The following SMUG1 variants were observed in gnomAD, a reference collection of about 807,000 sequenced individuals.
SMUG1 encodes the protein single-strand selective monofunctional uracil DNA glycosylase.
A neutral mutation model predicts 23.9 loss-of-function variants in SMUG1; 13 were observed. The observed-to-expected ratio is 0.54, with a 90% CI of 0.35 to 0.86. The LOEUF (loss-of-function observed/expected upper bound fraction) is 0.86. Ranked by LOEUF, SMUG1 falls within the 40% of genes least tolerant of loss-of-function variation. The probability of loss-of-function intolerance (pLI) is 0.01; values close to 1 mark genes in which losing one functional copy is unlikely to be tolerated. For synonymous variants in SMUG1, 133 were observed against 139.8 expected (o/e 0.95, Z 0.34); for missense variants, 313 against 339.5 (o/e 0.92, Z 0.61).
chr12:54,181,926 A>G lies in SMUG1; in HGVS notation c.*170T>C. 6.9e-7 allele frequency: 1 copy of G among 1,455,362 alleles called. No individual in the cohort carries two copies. Among genetic ancestry groups the G allele is most frequent in the South Asian group, 1.5e-5 (1 of 65,480 alleles). 90.2% of individuals were successfully genotyped at this position (1,455,362 alleles called of 1,614,324 possible). A position where few individuals can be genotyped will look rare whatever the true frequency, so the allele number is the denominator to read the frequency against. ...GGAGGGCAAACAGGAGTAGTGTCAAAACTGCCATGGCAGGTTGGAAGACAG... is the reference window on the plus strand; with the variant it reads ...GGAGGGCAAACAGGAGTAGTGTCAAGACTGCCATGGCAGGTTGGAAGACAG... On this transcript the variant is annotated 3_prime_UTR_variant, in exon 4 of 4. Transcript: ENST00000682136.
chr12:54,185,629 G>T (rs747654716), intron 2 of SMUG1, among the ~76,000 whole-genome samples: 5 of 151,830 alleles, frequency 3.3e-5, no homozygotes, highest in South Asian at 4.2e-4. Flanking sequence ...TGGCCAACAT[G>T]GTGAAACCCC....
chr12:54,163,640 G>A (rs967309134), downstream of SMUG1, among the ~76,000 whole-genome samples: 2 of 152,152 alleles, frequency 1.3e-5, no homozygotes, highest in African/African-American at 2.4e-5. Flanking sequence ...GAGAAAGTGA[G>A]ACCAGCTTCT....
chr12:54,161,300 C>T (rs554832394), downstream of SMUG1, among the ~76,000 whole-genome samples: 10 of 152,272 alleles, frequency 6.6e-5, no homozygotes, highest in South Asian at 1.0e-3. The surrounding 1 kb of genome is among the most constrained non-coding windows in gnomAD (Gnocchi z 4.2). Context: ...CAGGCCCAGC[C>T]GCCCCGCAAA....
intron 2 of SMUG1, among the ~76,000 whole-genome samples, chr12:54,186,619 C>T (rs755328679): frequency 6.6e-6 from 1 of 152,080 alleles, no homozygotes; most frequent in African/African-American, 2.4e-5. Flanking sequence ...GGATTACAAA[C>T]GTGAGCTACC....
At chr12:54,171,998 C>T (rs995441533) in intron 3 of SMUG1, 6 of 438,792 alleles carry the variant, frequency 1.4e-5, no homozygotes, top group African/African-American at 1.0e-4. Context: ...TGCCATCTCC[C>T]TGGTCCTGGC....
At chr12:54,186,413 G>C (rs1405236486) in intron 2 of SMUG1, among the ~76,000 whole-genome samples, 3 of 151,642 alleles carry the variant, frequency 2.0e-5, no homozygotes, top group Non-Finnish European at 2.9e-5. Context: ...CGCGATCTCA[G>C]CTCACTGCAA....
intron 1 of SMUG1, among the ~76,000 whole-genome samples, chr12:54,188,292 AATAAATAATAATAATAATAAT>A (rs1249372855): frequency 6.3e-5 from 2 of 31,652 alleles, no homozygotes; most frequent in South Asian, 1.2e-3. Flanking sequence ...TAATAATAAT[AATAAATAATAATAATAATAAT>A]AATAATAATA....
intron 2 of SMUG1, chr12:54,172,179 G>A (rs1259261089): frequency 4.6e-6 from 2 of 431,212 alleles, no homozygotes; most frequent in South Asian, 1.6e-5. Context: ...CATGTTACTC[G>A]GAGTGTGAGT....
intron 3 of SMUG1, chr12:54,182,832 G>T: frequency 9.7e-7 from 1 of 1,033,540 alleles, no homozygotes; most frequent in Non-Finnish European, 1.3e-6. Flanking sequence ...CCGTGGTCCA[G>T]AAGAATTTGT....
intron 2 of SMUG1, chr12:54,173,254 A>G (rs1229982255): frequency 2.0e-5 from 3 of 153,696 alleles, no homozygotes; most frequent in Non-Finnish European, 4.4e-5. Context: ...CCAGCGAGAG[A>G]GCAAACGGGA....
rs1286145643 is a variant in SMUG1, at chr12:54,182,001, AC to A, written c.*94del. 8.6e-6 allele frequency: 13 copies of A among 1,507,816 alleles called. No individual in the cohort carries two copies. Among genetic ancestry groups the A allele is most frequent in the Non-Finnish European group, 8.8e-6 (10 of 1,130,512 alleles). The allele number at this position is 1,507,816 out of a possible 1,614,324, so 93.4% of individuals were successfully genotyped here. On this transcript the variant is annotated 3_prime_UTR_variant, in exon 4 of 4. Transcript: ENST00000682136. ...CCCAGCGACCAGGGTGCACAGAAGG[AC>A]CTTTTGCTCCAGTCCAGGAGATGTG...
At chr12:54,188,302 AATAATAAT>A (rs1565844860) in intron 1 of SMUG1, among the ~76,000 whole-genome samples, 57 of 94,528 alleles carry the variant, frequency 6.0e-4, no homozygotes, top group African/African-American at 1.8e-3. Context: ...AATAAATAAT[AATAATAAT>A]AATAATAATA....
chr12:54,185,367 T>G (rs1010791061), intron 2 of SMUG1, among the ~76,000 whole-genome samples: 1 of 150,786 alleles, frequency 6.6e-6, no homozygotes, highest in Non-Finnish European at 1.5e-5. Context: ...CTCGGGAGGC[T>G]GAGGCAGGGA....
At chr12:54,183,539 G>A (rs1445388524) in intron 3 of SMUG1, 117 bp downstream of exon 3, 5 of 1,022,596 alleles carry the variant, frequency 4.9e-6, no homozygotes, top group Admixed American at 3.8e-5. Context: ...GACAGAATGG[G>A]GCGGGAGGAC....
chr12:54,169,996 C>T (rs1316979722), intron 3 of SMUG1, among the ~76,000 whole-genome samples: 1 of 152,000 alleles, frequency 6.6e-6, no homozygotes, highest in Admixed American at 6.5e-5. Context: ...GTCGGTAGTT[C>T]GAGACCAGCC....
rs1428595410 is a variant in SMUG1 at position 54,180,511 on chromosome 12, A to C, written c.*1585T>G. 4 of 152,168 alleles carry C rather than the reference A, an allele frequency of 2.6e-5. No homozygotes were observed. The highest frequency in any genetic ancestry group is 1.3e-4 in the Admixed American group (2 of 15,274). 9.4% of individuals were successfully genotyped at this position (152,168 alleles called of 1,614,324 possible). A position where few individuals can be genotyped will look rare whatever the true frequency, so the allele number is the denominator to read the frequency against. ...TGTTCCTCATTAAGGTGGTCTCAAG[A>C]CCTGCTCTGCTCCCAACTTGGTTCA... On this transcript the variant is annotated 3_prime_UTR_variant, in exon 4 of 4. Transcript: ENST00000682136.
At chr12:54,186,904 G>C (rs1942608078) in intron 2 of SMUG1, 1 of 152,350 alleles carries the variant, frequency 6.6e-6, no homozygotes, top group South Asian at 2.1e-4. Flanking sequence ...TTCTGTGCTG[G>C]GCACAGTGGC....
rs200031028 is a variant in SMUG1, at chr12:54,182,360, A to G, written c.549T>C (p.Pro183=). 4.3e-6 allele frequency: 7 copies of G among 1,614,046 alleles called. No homozygotes were observed. The highest frequency in any genetic ancestry group is 4.2e-6 in the Non-Finnish European group (5 of 1,180,040). ...SGRNLTPAEL[P]AKQREQLLGI... ...CAAGAAGCTGTTCTCGCTGCTTGGCAGGCAGCTCAGCAGGAGTAAGGTTGC... is the reference window on the plus strand; with the variant it reads ...CAAGAAGCTGTTCTCGCTGCTTGGCGGGCAGCTCAGCAGGAGTAAGGTTGC... The change falls in exon 4 of 4, where the codon CCT becomes CCC. Residue 183 remains proline (P), a synonymous_variant. Transcript: ENST00000682136.
rs766141046 is a variant in SMUG1 at position 54,182,245 on chromosome 12, G to A, written c.664C>T (p.Arg222Ter). ...GVGRLAEQRA[R>*]RALAGLMPEV... ...GGCATCAGGCCTGCCAGAGCCCGTC[G>A]TGCCCGCTGCTCTGCCAGTCGCCCA... Residue 222 changes from arginine to a stop codon, truncating the protein, a stop_gained, in exon 4 of 4, where the codon CGA becomes TGA. Coordinates refer to ENST00000682136, the MANE Select transcript of SMUG1 (RefSeq NM_001243787.2). LOFTEE classifies it high-confidence loss of function. 24 of 1,612,068 alleles carry A rather than the reference G, an allele frequency of 1.5e-5. No individual in the cohort carries two copies. The highest frequency in any genetic ancestry group is 5.5e-5 in the South Asian group (5 of 90,900).
Sources: allele counts gnomAD v4.1 joint callset (sites outside exome capture counted in the v4.1 genomes callset), GRCh38; gene constraint gnomAD v4.1.1; non-coding constraint Gnocchi (gnomAD v3.1); transcripts MANE v1.5; gene names NCBI Gene and HGNC (gene_info 2026-07-23, HGNC 2026-07-21).